PBX3: variants seen among roughly 807,000 people sequenced by gnomAD.
PBX3 encodes pre-B-cell leukemia transcription factor 3.
PBX3 carries 14 observed loss-of-function variants against 48.5 expected under a neutral mutation model. That is an observed-to-expected ratio of 0.29 (90% CI 0.19 to 0.45). The LOEUF is 0.45. Among genes scored for constraint, PBX3 ranks in the 20% least tolerant of loss-of-function variants. The pLI, the probability that PBX3 is intolerant of heterozygous loss-of-function variation, is 1.00. For missense variants in PBX3, 386 were observed against 546.7 expected (o/e 0.71, Z 2.93); for synonymous variants, 210 against 200.3 (o/e 1.05, Z -0.41).
At chr9:125,953,714 G>A (rs1430906211) in intron 5 of PBX3, among the ~76,000 whole-genome samples, 1 of 152,122 alleles carries the variant, frequency 6.6e-6, no homozygotes, top group Non-Finnish European at 1.5e-5. Flanking sequence ...GCTACAAAAG[G>A]TCACTGTGAC....
intron 5 of PBX3, among the ~76,000 whole-genome samples, chr9:125,940,379 T>C (rs935268965): frequency 2.6e-5 from 4 of 152,174 alleles, no homozygotes; most frequent in Non-Finnish European, 5.9e-5. Flanking sequence ...AGTAACAGAA[T>C]TTAAAAAGAC....
chr9:125,857,618 T>C (rs950206630), intron 2 of PBX3, among the ~76,000 whole-genome samples: 1 of 152,242 alleles, frequency 6.6e-6, no homozygotes, highest in African/African-American at 2.4e-5. Flanking sequence ...TTATCTTTAT[T>C]GTTATTCCAT....
In PBX3 at chr9:125,747,694, G is replaced by C. The variant is rs890736036; in HGVS notation, c.200+41G>C. The C allele has an allele frequency of 4.8e-6, 7 of 1,462,318 alleles. No individual in the cohort carries two copies. The African/African-American group carries it at 8.8e-5, about 18-fold the overall frequency. 90.6% of individuals were successfully genotyped at this position (1,462,318 alleles called of 1,614,324 possible). The stretch of plus-strand genomic sequence containing the variant: ...TTAAGCATCTTTTGTGTGTGTGCGG[G>C]AGCCGGGCCCGCGGCCGAGTCGAGG... On this transcript the variant is annotated intron_variant, in intron 1 of 8. Coordinates refer to ENST00000373489, the MANE Select transcript of PBX3 (RefSeq NM_006195.6).
At chr9:125,780,706 T>G (rs1588139727) in intron 2 of PBX3, among the ~76,000 whole-genome samples, 1 of 83,706 alleles carries the variant, frequency 1.2e-5, no homozygotes, top group South Asian at 5.1e-4. Flanking sequence ...CACCCCCACC[T>G]CCCTCCCGGA....
rs150562766 is a variant in PBX3 at position 125,897,439 on chromosome 9, A to T, written c.275-18247A>T. ...AGAGTACATTTTGGATTGGCAAATG[A>T]TCTGAGTGTGAAGTGATGAAGCCTT... On this transcript the variant is annotated intron_variant, in intron 2 of 8. Transcript: ENST00000373489. 3.3e-5 allele frequency among the ~76,000 whole-genome samples: 5 copies of T among 151,968 alleles called. No individual in the cohort carries two copies. The East Asian group carries it at 9.7e-4, about 29-fold the overall frequency.
intron 2 of PBX3, among the ~76,000 whole-genome samples, chr9:125,871,025 T>C (rs1840109365): frequency 6.6e-6 from 1 of 152,176 alleles, no homozygotes; most frequent in Non-Finnish European, 1.5e-5. Context: ...CTTCTAGATA[T>C]AAAGTCTTGA....
intron 2 of PBX3, among the ~76,000 whole-genome samples, chr9:125,872,917 C>T (rs993510095): frequency 2.6e-5 from 4 of 151,104 alleles, no homozygotes; most frequent in South Asian, 2.1e-4. Flanking sequence ...GACAGAATTT[C>T]GGCTGGGCGC....
intron 2 of PBX3, among the ~76,000 whole-genome samples, chr9:125,833,346 T>C (rs896364339): frequency 5.9e-5 from 9 of 151,982 alleles, no homozygotes; most frequent in African/African-American, 2.2e-4. Flanking sequence ...TAGCTGGGCG[T>C]GGTGGTGCAC....
At chr9:125,959,284 A>T (rs139093371) in intron 5 of PBX3, among the ~76,000 whole-genome samples, 195 of 152,340 alleles carry the variant, frequency 1.3e-3, no homozygotes, top group Non-Finnish European at 4.3e-4. Context: ...GGAAGTGCTG[A>T]TCTGTAGCAC....
chr9:125,917,837 T>C (rs1214564455), intron 3 of PBX3, among the ~76,000 whole-genome samples: 3 of 152,212 alleles, frequency 2.0e-5, no homozygotes, highest in Non-Finnish European at 4.4e-5. Context: ...TCTAAAATTG[T>C]ATGTCTAGTC....
At chr9:125,958,494 G>A (rs1476743858) in intron 5 of PBX3, among the ~76,000 whole-genome samples, 1 of 152,214 alleles carries the variant, frequency 6.6e-6, no homozygotes, top group Non-Finnish European at 1.5e-5. Flanking sequence ...GATGTTGGAA[G>A]TAGGACCAAT....
intron 2 of PBX3, among the ~76,000 whole-genome samples, chr9:125,899,439 G>A (rs1193971462): frequency 1.3e-5 from 1 of 75,744 alleles, no homozygotes; most frequent in Non-Finnish European, 2.4e-5. Flanking sequence ...ATATATATGT[G>A]TGTATATATA....
Position 125,852,105 on chromosome 9 carries a change from C to T in PBX3, c.275-63581C>T, listed in dbSNP as rs551705881. ...GTCTGGCAGATTTTCTGCAAGTGGA[C>T]GCTGTAATAAAAATGCCCCCTACTT... On this transcript the variant is annotated intron_variant, in intron 2 of 8. Coordinates refer to ENST00000373489, the MANE Select transcript of PBX3 (RefSeq NM_006195.6). Among the ~76,000 whole-genome samples, 7 of 152,090 alleles carry T rather than the reference C, an allele frequency of 4.6e-5. No individual in the cohort carries two copies. The South Asian group carries it at 1.2e-3, about 27-fold the overall frequency.
At chr9:125,856,453 A>G (rs1052470483) in intron 2 of PBX3, among the ~76,000 whole-genome samples, 7 of 152,144 alleles carry the variant, frequency 4.6e-5, no homozygotes, top group Non-Finnish European at 8.8e-5. Context: ...ATTAACACGC[A>G]TATTAAATAG....
chr9:125,838,421 G>C (rs1360134207), intron 2 of PBX3, among the ~76,000 whole-genome samples: 2 of 152,190 alleles, frequency 1.3e-5, no homozygotes, highest in Non-Finnish European at 2.9e-5. Context: ...ATTTGTATGA[G>C]TGATTGCTAC....
chr9:125,800,739 G>A (rs187468402), intron 2 of PBX3, among the ~76,000 whole-genome samples: 117 of 150,356 alleles, frequency 7.8e-4, no homozygotes, highest in African/African-American at 2.5e-3. Context: ...TAATCTGAGC[G>A]CTTGGAATTA....
chr9:125,960,649 C>T (rs936227519), intron 5 of PBX3, 35 bp from the exon 6 acceptor site: 1 of 1,605,358 alleles, frequency 6.2e-7, no homozygotes, highest in Admixed American at 1.7e-5. Context: ...TTCTTCCTCT[C>T]TTCCCCTTCA....
In PBX3 at chr9:125,824,232, T is replaced by C. The variant is rs540227931; in HGVS notation, c.274+75609T>C. Among the ~76,000 whole-genome samples, 9 of 152,332 alleles carry C rather than the reference T, an allele frequency of 5.9e-5. 1 individual carries two copies. The highest frequency in any genetic ancestry group is 4.1e-4 in the South Asian group (2 of 4,828). On this transcript the variant is annotated intron_variant, in intron 2 of 8. Coordinates refer to ENST00000373489, the MANE Select transcript of PBX3 (RefSeq NM_006195.6). ...GTCCTGAAAGTGAAAGTAAGAAAGA[T>C]TGTGGTTTGATTTGTAGAGGGGCTA...
intron 3 of PBX3, among the ~76,000 whole-genome samples, chr9:125,922,635 G>C (rs1249573869): frequency 6.6e-6 from 1 of 152,154 alleles, no homozygotes; most frequent in African/African-American, 2.4e-5. Flanking sequence ...TGTTTGAAGT[G>C]AGCATTCTAT....
Sources: gnomAD v4.1 joint callset for allele counts (sites outside exome capture counted in the v4.1 genomes callset) on GRCh38, gnomAD v4.1.1 for gene constraint, MANE v1.5 for transcripts, NCBI Gene and HGNC (gene_info 2026-07-23, HGNC 2026-07-21) for gene names.